The following CNTNAP2 variants were observed in gnomAD, a reference collection of about 807,000 sequenced individuals.
CNTNAP2 encodes the protein contactin-associated protein-like 2.
Under a neutral mutation model 155.2 loss-of-function variants are expected in CNTNAP2, and 98 were observed. The observed-to-expected ratio is 0.63, with a 90% confidence interval of 0.54 to 0.75. CNTNAP2 has a LOEUF of 0.75. Among genes scored for constraint, CNTNAP2 ranks in the 30% least tolerant of loss-of-function variants. The pLI is 0.00. For synonymous variants in CNTNAP2, 651 were observed against 631.2 expected (o/e 1.03, Z -0.47); for missense variants, 1,727 against 1,688.1 (o/e 1.02, Z -0.40).
At chr7:147,181,504 T>C (rs1033561082) in intron 8 of CNTNAP2, among the ~76,000 whole-genome samples, 7 of 152,230 alleles carry the variant, frequency 4.6e-5, no homozygotes, top group African/African-American at 1.4e-4. Context: ...GTATTACCTT[T>C]AATATTTGTA....
intron 2 of CNTNAP2, among the ~76,000 whole-genome samples, chr7:146,823,893 T>A (rs900253665): frequency 6.6e-6 from 1 of 152,120 alleles, no homozygotes; most frequent in Non-Finnish European, 1.5e-5. Flanking sequence ...AATTTTACCT[T>A]AAGTTCTGGG....
chr7:147,642,772 T>TA (rs1369672096), intron 13 of CNTNAP2, among the ~76,000 whole-genome samples: 1 of 152,228 alleles, frequency 6.6e-6, no homozygotes, highest in East Asian at 1.9e-4. Context: ...CCATCATTTG[T>TA]AGATTATTAT....
intron 13 of CNTNAP2, among the ~76,000 whole-genome samples, chr7:147,775,237 A>G (rs1584948741): frequency 8.3e-6 from 1 of 120,786 alleles, no homozygotes; most frequent in Non-Finnish European, 1.6e-5. Flanking sequence ...AAATATATAT[A>G]TATATTTATA....
At chr7:148,411,785 A>G (rs1341164828) in intron 23 of CNTNAP2, among the ~76,000 whole-genome samples, 1 of 26,004 alleles carries the variant, frequency 3.8e-5, no homozygotes, top group Non-Finnish European at 8.5e-5. Flanking sequence ...CCATTTGTTG[A>G]AAAAAAAAAA....
At chr7:148,296,734 G>A (rs1485892078) in intron 21 of CNTNAP2, among the ~76,000 whole-genome samples, 3 of 151,980 alleles carry the variant, frequency 2.0e-5, no homozygotes, top group African/African-American at 4.8e-5. Flanking sequence ...GCCTACTTTC[G>A]TCAGGACTTG....
At position 148,255,843 on chromosome 7, in the gene CNTNAP2, T is replaced by G. The variant is rs1047842300; in HGVS notation, c.3382-11190T>G. Among the ~76,000 whole-genome samples the G allele has an allele frequency of 7.9e-5, 12 of 152,200 alleles. No individual in the cohort carries two copies. The South Asian group carries it at 8.3e-4, about 10-fold the overall frequency. On this transcript the variant is annotated intron_variant, in intron 20 of 23. Transcript: ENST00000361727. ...CTTAAATCCTTTCTCTCTCGAGCCT[T>G]AAGCATTTCTGGGAAACTGCGTTCC...
intron 10 of CNTNAP2, among the ~76,000 whole-genome samples, chr7:147,411,338 G>T (rs1797099144): frequency 6.6e-6 from 1 of 152,152 alleles, no homozygotes; most frequent in Admixed American, 6.5e-5. Flanking sequence ...ATTTTTTCTA[G>T]TAAAGTATCT....
chr7:147,416,391 C>T (rs1292194987), intron 10 of CNTNAP2, among the ~76,000 whole-genome samples: 2 of 152,164 alleles, frequency 1.3e-5, no homozygotes, highest in South Asian at 2.1e-4. Flanking sequence ...CAAGTCTACA[C>T]CCAACTCCAC....
chr7:148,372,606 G>A (rs1323637039), intron 21 of CNTNAP2, among the ~76,000 whole-genome samples: 1 of 152,148 alleles, frequency 6.6e-6, no homozygotes, highest in Admixed American at 6.5e-5. Flanking sequence ...TACTCGGGAG[G>A]CTGAGGCAGG....
chr7:146,549,712 A>G (rs2693393), intron 1 of CNTNAP2, among the ~76,000 whole-genome samples: 5,290 of 152,166 alleles, frequency 0.035, 326 homozygotes, highest in African/African-American at 0.12. Context: ...TATTAATATC[A>G]ATTTATCCTG....
At chr7:146,510,834 A>T (rs527974014) in intron 1 of CNTNAP2, among the ~76,000 whole-genome samples, 1 of 151,920 alleles carries the variant, frequency 6.6e-6, no homozygotes, top group East Asian at 1.9e-4. Context: ...TAATTTTTGT[A>T]TAATAAAACT....
At chr7:146,710,889 A>G (rs1801055248) in intron 1 of CNTNAP2, among the ~76,000 whole-genome samples, 1 of 152,038 alleles carries the variant, frequency 6.6e-6, no homozygotes, top group Non-Finnish European at 1.5e-5. Flanking sequence ...GGCATTGGGA[A>G]TCATTAGCCA....
At chr7:146,133,022 C>A (rs1367051254) in intron 1 of CNTNAP2, among the ~76,000 whole-genome samples, 1 of 146,232 alleles carries the variant, frequency 6.8e-6, no homozygotes, top group Non-Finnish European at 1.5e-5. Context: ...AGTTTACAGT[C>A]CCACCAACAG....
At position 148,029,169 on chromosome 7, in the gene CNTNAP2, G is replaced by A. The variant is rs140489472; in HGVS notation, c.2383+51180G>A. 4.3e-4 allele frequency among the ~76,000 whole-genome samples: 65 copies of A among 152,098 alleles called. 3 individuals are homozygous for A. The South Asian group carries it at 9.3e-3, about 22-fold the overall frequency. On this transcript the variant is annotated intron_variant, in intron 15 of 23. Coordinates refer to ENST00000361727, the MANE Select transcript of CNTNAP2 (RefSeq NM_014141.6). Reference sequence around the variant, plus strand: ...TTTCACCATTCTATCTACTGCATTCGTAAATTTCCCTTTTTGATTATTCTA... The same window carrying A: ...TTTCACCATTCTATCTACTGCATTCATAAATTTCCCTTTTTGATTATTCTA...
intron 3 of CNTNAP2, among the ~76,000 whole-genome samples, chr7:146,978,212 T>G (rs540099790): frequency 6.6e-6 from 1 of 152,282 alleles, no homozygotes; most frequent in African/African-American, 2.4e-5. Flanking sequence ...TCAACTACCT[T>G]TGCAAAATCA....
intron 3 of CNTNAP2, among the ~76,000 whole-genome samples, chr7:146,860,046 A>G (rs1025211486): frequency 6.6e-6 from 1 of 152,210 alleles, no homozygotes; most frequent in Admixed American, 6.5e-5. Context: ...AAGATTTTAA[A>G]TAGAGTGGTA....
intron 1 of CNTNAP2, among the ~76,000 whole-genome samples, chr7:146,315,283 G>A (rs1800888742): frequency 6.6e-6 from 1 of 152,108 alleles, no homozygotes; most frequent in African/African-American, 2.4e-5. Context: ...CCAATGTGCT[G>A]TCTCTGACAT....
chr7:147,164,918 G>C (rs1382026629), intron 8 of CNTNAP2, among the ~76,000 whole-genome samples: 1 of 152,094 alleles, frequency 6.6e-6, no homozygotes, highest in African/African-American at 2.4e-5. Flanking sequence ...CATTTCTTTT[G>C]ATGGGAAAAT....
At chr7:148,042,434 T>C (rs1802695735) in intron 15 of CNTNAP2, among the ~76,000 whole-genome samples, 1 of 152,180 alleles carries the variant, frequency 6.6e-6, no homozygotes, top group Non-Finnish European at 1.5e-5. Flanking sequence ...GGCTTCTGGT[T>C]CTAAGCGTGT....
Sources: gnomAD v4.1 joint callset for allele counts (sites outside exome capture counted in the v4.1 genomes callset) on GRCh38, gnomAD v4.1.1 for gene constraint, MANE v1.5 for transcripts, NCBI Gene and HGNC (gene_info 2026-07-23, HGNC 2026-07-21) for gene names.